Variants in FRMD6 observed in about 807,000 individuals in gnomAD.
The protein encoded by FRMD6 is FERM domain containing 6.
A neutral mutation model predicts 73.2 loss-of-function variants in FRMD6; 37 were observed. The ratio of observed to expected loss-of-function variants is 0.51; its 90% CI spans 0.39 to 0.66. The LOEUF (loss-of-function observed/expected upper bound fraction) is 0.66, where lower values mean the gene tolerates loss of function less well. Among genes scored for constraint, FRMD6 ranks in the 30% least tolerant of loss-of-function variants. FRMD6 has a pLI of 0.00. For synonymous variants in FRMD6, 273 were observed against 282.2 expected (o/e 0.97, Z 0.33); for missense variants, 714 against 780.5 (o/e 0.91, Z 1.02).
chr14:51,682,681 A>G, intron 1 of FRMD6, among the ~76,000 whole-genome samples: 1 of 152,172 alleles, frequency 6.6e-6, no homozygotes, highest in South Asian at 2.1e-4. Flanking sequence ...ATTTCTTACC[A>G]TGTGGCATCA....
At chr14:51,513,480 G>C (rs996779261) in intron 1 of FRMD6, among the ~76,000 whole-genome samples, 1 of 152,126 alleles carries the variant, frequency 6.6e-6, no homozygotes, top group African/African-American at 2.4e-5. Flanking sequence ...AGAAAACCCC[G>C]GGCCAGGCCT....
At chr14:51,545,633 T>G (rs1369672612) in intron 1 of FRMD6, among the ~76,000 whole-genome samples, 1 of 152,050 alleles carries the variant, frequency 6.6e-6, no homozygotes, top group African/African-American at 2.4e-5. Context: ...CCCGGGTAAG[T>G]TTAAGGATAA....
chr14:51,441,805 G>A, the FRMD6 span, among the ~76,000 whole-genome samples: 1 of 152,206 alleles, frequency 6.6e-6, no homozygotes, highest in Non-Finnish European at 1.5e-5. Context: ...AAAAAATCTT[G>A]TTGTGGGAAT....
At chr14:51,436,322 A>G in the FRMD6 span, 1 of 378,856 alleles carries the variant, frequency 2.6e-6, no homozygotes, top group Admixed American at 3.4e-5. Flanking sequence ...ATTTTTGGGT[A>G]ACAACATTTG....
intron 2 of FRMD6, among the ~76,000 whole-genome samples, chr14:51,615,583 C>T (rs529485115): frequency 5.9e-5 from 9 of 152,234 alleles, no homozygotes; most frequent in African/African-American, 1.9e-4. Flanking sequence ...GCCCAAGAAG[C>T]TAGGTGGAAA....
chr14:51,610,615 A>G (rs1025748982), intron 2 of FRMD6, among the ~76,000 whole-genome samples: 1 of 150,576 alleles, frequency 6.6e-6, no homozygotes, highest in African/African-American at 2.4e-5. Flanking sequence ...TTATTGGTCA[A>G]GTCTAATGCC....
At chr14:51,458,030 G>T in the FRMD6 span, among the ~76,000 whole-genome samples, 2 of 152,158 alleles carry the variant, frequency 1.3e-5, no homozygotes, top group Admixed American at 6.5e-5. Context: ...CCTTTTTAAG[G>T]TGCCTTGGAA....
chr14:51,712,661 G>A (rs1897008271), intron 9 of FRMD6, 110 bp downstream of exon 9: 1 of 709,052 alleles, frequency 1.4e-6, no homozygotes, highest in South Asian at 1.8e-5. Flanking sequence ...AGGCACAAAA[G>A]CTGTTATTTT....
intron 1 of FRMD6, among the ~76,000 whole-genome samples, chr14:51,490,559 A>G (rs1391703311): frequency 6.6e-6 from 1 of 151,868 alleles, no homozygotes; most frequent in South Asian, 2.1e-4. Context: ...CTGGCTGTAT[A>G]CGTGTGTATA....
chr14:51,596,760 A>G (rs529271090), intron 2 of FRMD6, among the ~76,000 whole-genome samples: 2 of 152,300 alleles, frequency 1.3e-5, no homozygotes, highest in South Asian at 2.1e-4. Flanking sequence ...CTGGTTCAAA[A>G]GTTCATGGGC....
chr14:51,528,755 G>A (rs1407987034), intron 1 of FRMD6, among the ~76,000 whole-genome samples: 2 of 152,156 alleles, frequency 1.3e-5, no homozygotes, highest in Non-Finnish European at 2.9e-5. Context: ...ATATCCTGTG[G>A]TTCTTTTATA....
intron 3 of FRMD6, among the ~76,000 whole-genome samples, chr14:51,699,791 T>C (rs1345866112): frequency 6.6e-6 from 1 of 152,062 alleles, no homozygotes; most frequent in Non-Finnish European, 1.5e-5. Context: ...CTATTCATTA[T>C]GTTGCTTCTT....
upstream of FRMD6, chr14:51,651,310 T>TGGCG (rs1892354870): frequency 6.6e-6 from 1 of 152,144 alleles, no homozygotes; most frequent in Non-Finnish European, 1.5e-5. Context: ...GCGTCTCGAG[T>TGGCG]GGCGGGCGGG....
At chr14:51,404,442 T>C in the FRMD6 span, among the ~76,000 whole-genome samples, 2 of 152,162 alleles carry the variant, frequency 1.3e-5, no homozygotes, top group East Asian at 3.8e-4. Context: ...GGGTTGAGCT[T>C]TTAAGTCTTA....
chr14:51,698,372 G>T (rs180768518), intron 3 of FRMD6, 140 bp downstream of exon 3: 142 of 457,064 alleles, frequency 3.1e-4, no homozygotes, highest in African/African-American at 2.5e-3. Flanking sequence ...CATTTTTAGT[G>T]TAGGTGTAGT....
chr14:51,709,944 C>T (rs1896849845), intron 7 of FRMD6, among the ~76,000 whole-genome samples: 1 of 151,970 alleles, frequency 6.6e-6, no homozygotes, highest in Non-Finnish European at 1.5e-5. Context: ...GGTTGGGAGG[C>T]TTTGGTGAGA....
At chr14:51,597,123 A>G (rs1311742321) in intron 2 of FRMD6, among the ~76,000 whole-genome samples, 1 of 152,260 alleles carries the variant, frequency 6.6e-6, no homozygotes, top group Admixed American at 6.5e-5. Flanking sequence ...TGTGGTAAAT[A>G]CAGCAACAGA....
intron 1 of FRMD6, among the ~76,000 whole-genome samples, chr14:51,491,739 G>A (rs1353647390): frequency 3.3e-5 from 5 of 152,174 alleles, no homozygotes; most frequent in Admixed American, 1.3e-4. Context: ...CAAAGCATTC[G>A]ACCACAGCCT....
At chr14:51,654,702 A>T (rs1465676520) in intron 1 of FRMD6, among the ~76,000 whole-genome samples, 1 of 152,092 alleles carries the variant, frequency 6.6e-6, no homozygotes, top group African/African-American at 2.4e-5. Context: ...GATTTGGATG[A>T]TCTCAACAAG....
Sources: gnomAD v4.1 joint callset for allele counts (sites outside exome capture counted in the v4.1 genomes callset) on GRCh38, gnomAD v4.1.1 for gene constraint, MANE v1.5 for transcripts, NCBI Gene and HGNC (gene_info 2026-07-23, HGNC 2026-07-21) for gene names.